Variants in COX7B2 observed in about 807,000 individuals in gnomAD.
The protein encoded by COX7B2 is cytochrome c oxidase subunit 7B2, mitochondrial.
For missense variants in COX7B2, 109 were observed against 95.9 expected, an observed-to-expected ratio of 1.14 and a Z score of -0.57; for synonymous variants, 37 against 32.1, an observed-to-expected ratio of 1.15 and a Z score of -0.51.
Position 46,743,743 on chromosome 4 carries a change from G to A in COX7B2, c.-49-8502C>T, listed in dbSNP as rs576457793. On this transcript the variant is annotated intron_variant, in intron 2 of 2. Transcript: ENST00000355591. ...GGATGGCATGTGGTGTATTCCAAAT[G>A]TAGCTAAACATGCCATGCTTTTTTT... is the stretch of plus-strand genomic sequence containing the variant. Among the ~76,000 whole-genome samples the A allele has an allele frequency of 1.1e-4, 16 of 152,276 alleles. No homozygotes were observed. The South Asian group carries it at 2.3e-3, about 22-fold the overall frequency.
chr4:46,736,895 C>T (rs939048960), intron 2 of COX7B2, among the ~76,000 whole-genome samples: 10 of 152,132 alleles, frequency 6.6e-5, no homozygotes, highest in South Asian at 2.1e-4. Flanking sequence ...TCAATTAGTA[C>T]GAATACAACT....
intron 2 of COX7B2, among the ~76,000 whole-genome samples, chr4:46,754,731 T>TAC (rs1553880241): frequency 6.5e-5 from 8 of 122,586 alleles, no homozygotes; most frequent in African/African-American, 1.8e-4. Context: ...TGTGTGTGTA[T>TAC]ATATATATAT....
chr4:46,784,550 G>T (rs879263947), intron 2 of COX7B2, among the ~76,000 whole-genome samples: 1 of 152,076 alleles, frequency 6.6e-6, no homozygotes, highest in Non-Finnish European at 1.5e-5. Flanking sequence ...GTTTGAACCC[G>T]GGAGGCGGAG....
chr4:46,742,715 A>G (rs1436344645), intron 2 of COX7B2, among the ~76,000 whole-genome samples: 1 of 152,152 alleles, frequency 6.6e-6, no homozygotes, highest in Non-Finnish European at 1.5e-5. Context: ...GTGAATTGTT[A>G]TGCCTGGAGG....
chr4:46,877,625 C>G (rs1320935026), intron 1 of COX7B2, among the ~76,000 whole-genome samples: 2 of 152,098 alleles, frequency 1.3e-5, no homozygotes, highest in East Asian at 3.8e-4. Context: ...GTTTGAAAAG[C>G]ATCAACATCA....
chr4:46,786,244 A>G (rs1717747648), intron 2 of COX7B2, among the ~76,000 whole-genome samples: 1 of 152,196 alleles, frequency 6.6e-6, no homozygotes, highest in African/African-American at 2.4e-5. Flanking sequence ...TGCACCTAAA[A>G]TATATTATGA....
At chr4:46,833,964 T>C (rs1429901494) in intron 2 of COX7B2, among the ~76,000 whole-genome samples, 1 of 152,082 alleles carries the variant, frequency 6.6e-6, no homozygotes, top group African/African-American at 2.4e-5. Context: ...ACTGTAGTAC[T>C]GAGAAAACAA....
At chr4:46,906,207 C>T (rs893147735) in intron 1 of COX7B2, among the ~76,000 whole-genome samples, 45 of 152,292 alleles carry the variant, frequency 3.0e-4, no homozygotes, top group Non-Finnish European at 5.4e-4. Flanking sequence ...TGACCTGCCC[C>T]TCAGGGAGGG....
chr4:46,750,375 C>A (rs1471446825), intron 2 of COX7B2, among the ~76,000 whole-genome samples: 7 of 151,870 alleles, frequency 4.6e-5, no homozygotes, highest in Admixed American at 4.6e-4. Flanking sequence ...TCAGCCTGGG[C>A]AAAAGAGACT....
At chr4:46,780,933 A>G (rs765910937) in intron 2 of COX7B2, among the ~76,000 whole-genome samples, 2 of 152,214 alleles carry the variant, frequency 1.3e-5, no homozygotes, top group Non-Finnish European at 2.9e-5. Flanking sequence ...GCACTTCACA[A>G]ATCATTAACA....
At chr4:46,869,278 C>A (rs981314351) in intron 1 of COX7B2, among the ~76,000 whole-genome samples, 1 of 152,038 alleles carries the variant, frequency 6.6e-6, no homozygotes, top group Admixed American at 6.6e-5. Context: ...CATGTGAGAT[C>A]GGTGTCATGA....
intron 1 of COX7B2, among the ~76,000 whole-genome samples, chr4:46,871,578 A>G (rs1268187773): frequency 6.6e-6 from 1 of 152,068 alleles, no homozygotes; most frequent in African/African-American, 2.4e-5. Flanking sequence ...ATATTTGCAA[A>G]CTATGCATCT....
chr4:46,761,911 A>G (rs1577674401), intron 2 of COX7B2, among the ~76,000 whole-genome samples: 1 of 150,850 alleles, frequency 6.6e-6, no homozygotes, highest in African/African-American at 2.4e-5. Flanking sequence ...ACTGCTGCCT[A>G]CTCACCTACT....
At chr4:46,767,430 T>C (rs1560366715) in intron 2 of COX7B2, among the ~76,000 whole-genome samples, 1 of 152,156 alleles carries the variant, frequency 6.6e-6, no homozygotes, top group African/African-American at 2.4e-5. Flanking sequence ...GTACCCCACT[T>C]TCAACAATGG....
chr4:46,870,976 G>GA (rs944770954), intron 1 of COX7B2, among the ~76,000 whole-genome samples: 112 of 139,814 alleles, frequency 8.0e-4, no homozygotes, highest in East Asian at 3.1e-3. Flanking sequence ...CACAGAACTA[G>GA]AAAAAAAAAA....
At chr4:46,760,647 T>A (rs1716093817) in intron 2 of COX7B2, among the ~76,000 whole-genome samples, 1 of 152,086 alleles carries the variant, frequency 6.6e-6, no homozygotes, top group Admixed American at 6.6e-5. Context: ...CCATGGCATG[T>A]GTATACCTAC....
chr4:46,766,980 A>G (rs1462637970), intron 2 of COX7B2, among the ~76,000 whole-genome samples: 1 of 152,214 alleles, frequency 6.6e-6, no homozygotes, highest in Non-Finnish European at 1.5e-5. Context: ...TCAGAAAAAA[A>G]TTAACAAAAT....
At chr4:46,829,805 A>G (rs1714942121) in intron 2 of COX7B2, among the ~76,000 whole-genome samples, 1 of 152,238 alleles carries the variant, frequency 6.6e-6, no homozygotes, top group African/African-American at 2.4e-5. Context: ...ATAGGAAGTG[A>G]CATAAAATAA....
intron 2 of COX7B2, 102 bp from the exon 3 acceptor site, chr4:46,735,343 G>T: frequency 3.6e-6 from 3 of 830,364 alleles, no homozygotes; most frequent in Non-Finnish European, 5.7e-6. Context: ...GTTCAGGAAT[G>T]TGAGTTTTGA....
Sources: gnomAD v4.1 joint callset for allele counts (sites outside exome capture counted in the v4.1 genomes callset) on GRCh38, gnomAD v4.1.1 for gene constraint, MANE v1.5 for transcripts, NCBI Gene and HGNC (gene_info 2026-07-23, HGNC 2026-07-21) for gene names.